DAAM2: variants seen among roughly 807,000 people sequenced by gnomAD.
DAAM2 encodes the protein disheveled-associated activator of morphogenesis 2.
A neutral mutation model predicts 120.7 loss-of-function variants in DAAM2; 39 were observed. That is an observed-to-expected ratio of 0.32 (90% CI 0.25 to 0.42). The LOEUF is 0.42. DAAM2 is among the 10% of genes least tolerant of loss of function. The probability of loss-of-function intolerance (pLI) is 1.00; values close to 1 mark genes in which losing one functional copy is unlikely to be tolerated. For synonymous variants in DAAM2, 488 were observed against 524.9 expected (o/e 0.93, Z 0.96); for missense variants, 1,283 against 1,401.7 (o/e 0.92, Z 1.35).
intron 1 of DAAM2, among the ~76,000 whole-genome samples, chr6:39,800,921 A>G (rs898234660): frequency 2.0e-5 from 3 of 152,172 alleles, no homozygotes; most frequent in Admixed American, 6.5e-5. Flanking sequence ...CCTGCTGCCC[A>G]CTGTACTCCA....
chr6:39,854,576 G>A (rs562866574), intron 1 of DAAM2, among the ~76,000 whole-genome samples: 2 of 152,332 alleles, frequency 1.3e-5, no homozygotes, highest in African/African-American at 4.8e-5. Flanking sequence ...AATAGAGCAT[G>A]ATGTATGAGA....
At chr6:39,795,797 C>T (rs1485289464) in intron 1 of DAAM2, among the ~76,000 whole-genome samples, 1 of 152,106 alleles carries the variant, frequency 6.6e-6, no homozygotes, top group Non-Finnish European at 1.5e-5. Flanking sequence ...GGTCCATTAT[C>T]CTGAAGTGTG....
intron 15 of DAAM2, chr6:39,885,489 C>G (rs1344648459): frequency 6.6e-6 from 1 of 152,250 alleles, no homozygotes; most frequent in Non-Finnish European, 1.5e-5. Flanking sequence ...GCCCAGCCTA[C>G]TCAGGCTCCA....
chr6:39,871,699 A>G, intron 9 of DAAM2, 127 bp downstream of exon 9: 1 of 717,616 alleles, frequency 1.4e-6, no homozygotes, highest in East Asian at 2.7e-5. Flanking sequence ...GGGCACCCCC[A>G]TGGCCAGGTC....
intron 1 of DAAM2, among the ~76,000 whole-genome samples, chr6:39,814,727 T>G (rs928363481): frequency 7.9e-5 from 12 of 152,176 alleles, no homozygotes; most frequent in Non-Finnish European, 1.8e-4. Flanking sequence ...CCTCCCACCA[T>G]TTCTGTGGAA....
Position 39,843,260 on chromosome 6 carries a change from G to A in DAAM2, c.-56-12987G>A, listed in dbSNP as rs1299477230. Among the ~76,000 whole-genome samples, 3 of 152,160 alleles carry A rather than the reference G, an allele frequency of 2.0e-5. No homozygotes were observed. In the East Asian group the frequency reaches 5.8e-4, roughly 29 times the overall value. On this transcript the variant is annotated intron_variant, in intron 1 of 24. Coordinates refer to ENST00000274867, the MANE Select transcript of DAAM2 (RefSeq NM_001201427.2). Reference sequence around the variant, plus strand: ...GTCCCTTGAGCAATGGTGCATTTAAGGAGGAATGAGTGGGACAACATGGTC... The same window carrying A: ...GTCCCTTGAGCAATGGTGCATTTAAAGAGGAATGAGTGGGACAACATGGTC...
intron 19 of DAAM2, among the ~76,000 whole-genome samples, chr6:39,896,038 A>AT (rs71694195): frequency 2.0e-4 from 30 of 151,954 alleles, no homozygotes; most frequent in East Asian, 7.7e-4. Flanking sequence ...TATTTAATTG[A>AT]TTTTTTTTCT....
chr6:39,860,552 A>G (rs1379177172), intron 2 of DAAM2, among the ~76,000 whole-genome samples: 3 of 152,194 alleles, frequency 2.0e-5, no homozygotes, highest in Admixed American at 6.5e-5. Context: ...TGGTGTCCAC[A>G]AGCTTAAGAA....
At chr6:39,828,563 C>G (rs1045386549) in intron 1 of DAAM2, among the ~76,000 whole-genome samples, 3 of 117,978 alleles carry the variant, frequency 2.5e-5, no homozygotes, top group Admixed American at 8.3e-5. Flanking sequence ...CCTCCACCCC[C>G]CTCCGTCTTT....
chr6:39,810,464 C>T (rs1762129223), intron 1 of DAAM2, among the ~76,000 whole-genome samples: 1 of 152,192 alleles, frequency 6.6e-6, no homozygotes, highest in Admixed American at 6.5e-5. Flanking sequence ...GTGCTCTTCC[C>T]AGACCCCTGG....
intron 3 of DAAM2, among the ~76,000 whole-genome samples, chr6:39,863,201 T>G (rs969357725): frequency 6.6e-6 from 1 of 151,862 alleles, no homozygotes; most frequent in Non-Finnish European, 1.5e-5. Context: ...CCCCATTCAG[T>G]GCATATGGCA....
At chr6:39,895,043 G>A (rs1406199950) in intron 19 of DAAM2, among the ~76,000 whole-genome samples, 1 of 151,950 alleles carries the variant, frequency 6.6e-6, no homozygotes, top group Non-Finnish European at 1.5e-5. Context: ...TTCATTTTCA[G>A]TTCTGCATTT....
At chr6:39,897,103 C>T in intron 20 of DAAM2, 72 bp from the exon 21 acceptor site, 1 of 1,517,036 alleles carries the variant, frequency 6.6e-7, no homozygotes, top group Non-Finnish European at 9.1e-7. Flanking sequence ...CTTAACACTC[C>T]ATCCTCTGAC....
At chr6:39,827,149 C>G (rs1762703060) in intron 1 of DAAM2, among the ~76,000 whole-genome samples, 1 of 152,132 alleles carries the variant, frequency 6.6e-6, no homozygotes, top group South Asian at 2.1e-4. Context: ...TGCGACTGTT[C>G]TGTAGTGGGA....
chr6:39,858,281 G>C (rs1207790667), intron 2 of DAAM2, among the ~76,000 whole-genome samples: 2 of 152,198 alleles, frequency 1.3e-5, no homozygotes, highest in Non-Finnish European at 2.9e-5. Flanking sequence ...CACGCAAGGT[G>C]CTCTGCTAAA....
At position 39,879,349 on chromosome 6, in the gene DAAM2, C is replaced by A. The variant is rs369086723; in HGVS notation, c.1717C>A (p.Pro573Thr). ...GGPPTPPGAP[P>T]CLGMGLPLPQ... Reference sequence around the variant, plus strand: ...ACCCCCGACTCCCCCAGGTGCCCCACCTTGCCTCGGCATGGGCCTGCCCCT... The same window carrying A: ...ACCCCCGACTCCCCCAGGTGCCCCAACTTGCCTCGGCATGGGCCTGCCCCT... The change falls in exon 14 of 25, where the codon CCT (proline) becomes ACT (threonine). Residue 573 changes from proline (P) to threonine (T), a missense_variant. Pro to Thr is a conservative substitution (Grantham distance 38). Around this residue, in one of 3 missense-constraint regions of DAAM2, gnomAD observed 748 missense variants for 768.6 expected, o/e 0.97. Transcript: ENST00000274867. 6.2e-7 allele frequency: 1 copy of A among 1,611,334 alleles called. No homozygotes were observed. The highest frequency in any genetic ancestry group is 1.7e-5 in the Admixed American group (1 of 59,826).
intron 5 of DAAM2, 76 bp from the exon 6 acceptor site, chr6:39,867,434 G>A (rs1764475563): frequency 1.4e-6 from 2 of 1,426,582 alleles, no homozygotes; most frequent in Non-Finnish European, 1.9e-6. Context: ...TGGTACACAG[G>A]TAAGGGGGTA....
chr6:39,801,804 CG>C (rs1761871556), intron 1 of DAAM2, among the ~76,000 whole-genome samples: 1 of 152,164 alleles, frequency 6.6e-6, no homozygotes, highest in Admixed American at 6.5e-5. Context: ...ACCACATTCC[CG>C]GGGGGTCAGT....
intron 1 of DAAM2, among the ~76,000 whole-genome samples, chr6:39,842,493 C>T (rs1042206902): frequency 7.9e-5 from 12 of 151,856 alleles, no homozygotes; most frequent in Admixed American, 2.6e-4. Context: ...ATTTGCCGGG[C>T]GTGGTGGTGC....
Sources: gnomAD v4.1 joint callset for allele counts (sites outside exome capture counted in the v4.1 genomes callset) on GRCh38, gnomAD v4.1.1 for gene constraint, gnomAD v4.1.1 regional missense constraint, MANE v1.5 for transcripts, NCBI Gene and HGNC (gene_info 2026-07-23, HGNC 2026-07-21) for gene names.